Variants in SEPTIN9 observed in about 807,000 individuals in gnomAD.
SEPTIN9 encodes the protein septin 9.
In SEPTIN9, 13 loss-of-function variants were observed where a neutral mutation model predicts 56.6. That is an observed-to-expected ratio of 0.23 (90% confidence interval 0.15 to 0.37). The LOEUF (loss-of-function observed/expected upper bound fraction) is 0.37. Among genes scored for constraint, SEPTIN9 ranks in the 10% least tolerant of loss-of-function variants. The pLI, the probability that SEPTIN9 is intolerant of heterozygous loss-of-function variation, is 1.00. For missense variants in SEPTIN9, 650 were observed against 823.1 expected, an observed-to-expected ratio of 0.79 and a Z score of 2.57; for synonymous variants, 332 against 334.1, an observed-to-expected ratio of 0.99 and a Z score of 0.07.
chr17:77,408,728 A>G (rs546652929), intron 3 of SEPTIN9, among the ~76,000 whole-genome samples: 2 of 152,184 alleles, frequency 1.3e-5, no homozygotes, highest in Admixed American at 1.3e-4. Flanking sequence ...TGGGCCCCAG[A>G]AGTTCCTGGT....
At chr17:77,432,027 G>A (rs1221523574) in intron 3 of SEPTIN9, among the ~76,000 whole-genome samples, 2 of 152,036 alleles carry the variant, frequency 1.3e-5, no homozygotes, top group African/African-American at 4.8e-5. Flanking sequence ...TCAGCAGAGG[G>A]TGGACCCCAG....
rs117567716 is a variant in SEPTIN9 at position 77,365,704 on chromosome 17, C to T, written c.77-36355C>T. Among the ~76,000 whole-genome samples, 157 of 152,250 alleles carry T rather than the reference C, an allele frequency of 1.0e-3. No individual in the cohort carries two copies. In the East Asian group the frequency reaches 0.018, roughly 17 times the overall value. On this transcript the variant is annotated intron_variant, in intron 2 of 11. Coordinates refer to ENST00000427177, the MANE Select transcript of SEPTIN9 (RefSeq NM_001113491.2). The stretch of plus-strand genomic sequence containing the variant: ...GGGTTGCCAGGCCGCCACTCCCAAC[C>T]TCCACCCTCTTTCCTTCCACCTGCT...
At chr17:77,282,831 A>T (rs1318860232) in intron 1 of SEPTIN9, among the ~76,000 whole-genome samples, 5 of 152,210 alleles carry the variant, frequency 3.3e-5, no homozygotes, top group Non-Finnish European at 7.3e-5. Context: ...TTCCTCCCCA[A>T]CATGCTCCAA....
rs1598295945 is a variant in SEPTIN9 at position 77,389,556 on chromosome 17, C to A, written c.77-12503C>A. Among the ~76,000 whole-genome samples, 3 of 152,178 alleles carry A rather than the reference C, an allele frequency of 2.0e-5. No homozygotes were observed. Among genetic ancestry groups the A allele is most frequent in the African/African-American group, 7.2e-5 (3 of 41,436 alleles). On this transcript the variant is annotated intron_variant, in intron 2 of 11. Transcript: ENST00000427177. This position sits in a 1 kb window ranked among gnomAD's most constrained non-coding sequence, Gnocchi z 4.3. ...CCCAGGGCCTCGCTCCTGCCTTCAG[C>A]GACAGCCATTTATCAGGGAGTCTTT...
At chr17:77,304,275 G>A (rs1176324229) in intron 1 of SEPTIN9, among the ~76,000 whole-genome samples, 6 of 152,292 alleles carry the variant, frequency 3.9e-5, no homozygotes, top group African/African-American at 1.4e-4. Context: ...TCTTATGAAC[G>A]GTTTGCTTTG....
chr17:77,449,571 AG>A lies in SEPTIN9; in HGVS notation c.722-32570del, dbSNP rs2144395792. ...AGGAAGAAGGGTTCTGCCCACGGGG[AG>A]GGAGAGGCCCACGGGGCAGGGGCGT... On this transcript the variant is annotated intron_variant, in intron 3 of 11. Coordinates refer to ENST00000427177, the MANE Select transcript of SEPTIN9 (RefSeq NM_001113491.2). The surrounding 1 kb of genome is among the most constrained non-coding windows in gnomAD (Gnocchi z 4.6). Among the ~76,000 whole-genome samples the A allele has an allele frequency of 6.6e-6, 1 of 152,216 alleles. No individual in the cohort carries two copies. The highest frequency in any genetic ancestry group is 1.9e-4 in the East Asian group (1 of 5,170).
intron 3 of SEPTIN9, among the ~76,000 whole-genome samples, chr17:77,478,271 G>A (rs957444094): frequency 3.3e-5 from 5 of 152,144 alleles, no homozygotes; most frequent in African/African-American, 1.2e-4. Context: ...TCCTCAGTTG[G>A]ACTAGCTCAG....
chr17:77,331,633 A>C (rs2033365510), intron 2 of SEPTIN9, among the ~76,000 whole-genome samples: 1 of 152,102 alleles, frequency 6.6e-6, no homozygotes. Flanking sequence ...CGGGGTTTGC[A>C]TTTTCACTGA....
chr17:77,441,924 G>A (rs2037561761), intron 3 of SEPTIN9, among the ~76,000 whole-genome samples: 1 of 152,192 alleles, frequency 6.6e-6, no homozygotes, highest in Non-Finnish European at 1.5e-5. Flanking sequence ...GCAGTGAAGA[G>A]GTGGAGTATT....
chr17:77,304,881 C>T lies in SEPTIN9; in HGVS notation c.20-2260C>T, dbSNP rs188952260. Among the ~76,000 whole-genome samples, 89 of 152,228 alleles carry T rather than the reference C, an allele frequency of 5.8e-4. 1 individual carries two copies. The highest frequency in any genetic ancestry group is 2.0e-3 in the African/African-American group (85 of 41,548). ...GTGTGAAGGGGGTGCTCATGGCCAT[C>T]GTGGAAGTGAGCTCAGCTGGGGCTG... On this transcript the variant is annotated intron_variant, in intron 1 of 11. Coordinates refer to ENST00000427177, the MANE Select transcript of SEPTIN9 (RefSeq NM_001113491.2).
intron 2 of SEPTIN9, among the ~76,000 whole-genome samples, chr17:77,338,618 C>T (rs2033631128): frequency 6.6e-6 from 1 of 152,112 alleles, no homozygotes; most frequent in Non-Finnish European, 1.5e-5. Context: ...AGGGTTTCAC[C>T]TTGTTGGCCA....
At chr17:77,281,645 C>A in intron 1 of SEPTIN9, 91 bp downstream of exon 1, 2 of 1,301,530 alleles carry the variant, frequency 1.5e-6, no homozygotes, top group Non-Finnish European at 2.1e-6. Context: ...GCGAGGCGCC[C>A]CCGGAGCTGA....
At chr17:77,461,386 A>C (rs2038466660) in intron 3 of SEPTIN9, among the ~76,000 whole-genome samples, 1 of 152,152 alleles carries the variant, frequency 6.6e-6, no homozygotes, top group South Asian at 2.1e-4. Flanking sequence ...GGAGAGGGTG[A>C]GGAGCTGCAG....
chr17:77,364,294 G>A (rs551137543), intron 2 of SEPTIN9, among the ~76,000 whole-genome samples: 37 of 152,356 alleles, frequency 2.4e-4, no homozygotes, highest in African/African-American at 8.7e-4. Context: ...GCGGCATGGG[G>A]GCACTGCAGG....
chr17:77,446,061 G>A (rs1337949196), intron 3 of SEPTIN9: 2 of 167,656 alleles, frequency 1.2e-5, no homozygotes, highest in Non-Finnish European at 2.9e-5. Context: ...AAGCGCCTGT[G>A]TTGCTGTGGG....
intron 2 of SEPTIN9, among the ~76,000 whole-genome samples, chr17:77,320,870 C>CGTGTGTGTTCGAATGGA: frequency 6.6e-6 from 1 of 152,320 alleles, no homozygotes; most frequent in African/African-American, 2.4e-5. Flanking sequence ...AGGAGCCTGG[C>CGTGTGTGTTCGAATGGA]GTGTGTGTGC....
chr17:77,398,815 G>A (rs1171759062), intron 2 of SEPTIN9, among the ~76,000 whole-genome samples: 2 of 152,276 alleles, frequency 1.3e-5, no homozygotes, highest in East Asian at 3.9e-4. Flanking sequence ...CCCTGCGGGT[G>A]GAACAGCCCC....
intron 2 of SEPTIN9, among the ~76,000 whole-genome samples, chr17:77,385,275 G>A (rs1430073398): frequency 2.6e-5 from 4 of 150,982 alleles, no homozygotes; most frequent in Admixed American, 2.0e-4. Flanking sequence ...TGATTCTCAT[G>A]CCTCAGCCTC....
At chr17:77,442,790 T>G (rs1186032656) in intron 3 of SEPTIN9, among the ~76,000 whole-genome samples, 2 of 152,008 alleles carry the variant, frequency 1.3e-5, no homozygotes, top group African/African-American at 2.4e-5. Flanking sequence ...GGAGAATTGC[T>G]TGAACCCACG....
Sources: allele counts gnomAD v4.1 joint callset (sites outside exome capture counted in the v4.1 genomes callset), GRCh38; gene constraint gnomAD v4.1.1; non-coding constraint Gnocchi (gnomAD v3.1); transcripts MANE v1.5; gene names NCBI Gene and HGNC (gene_info 2026-07-23, HGNC 2026-07-21).